TLE3: variants seen among roughly 807,000 people sequenced by gnomAD.
TLE3 encodes the protein TLE family member 3, transcriptional corepressor.
A neutral mutation model predicts 93.0 loss-of-function variants in TLE3; 14 were observed. The observed-to-expected ratio is 0.15, with a 90% CI of 0.10 to 0.24. TLE3 has a LOEUF of 0.24. TLE3 is among the 10% of genes least tolerant of loss of function. The pLI is 1.00. For missense variants in TLE3, 693 were observed against 1,046.6 expected (o/e 0.66, Z 4.66); for synonymous variants, 451 against 425.0 (o/e 1.06, Z -0.75).
rs997029654 is a variant in TLE3, at chr15:70,049,961, G to A, written c.*136C>T. ...TGACGGGGCACGTGCCCTCTCAGCC[G>A]GCCGGAGCGCAGCCCTGAACGCTCG... On this transcript the variant is annotated 3_prime_UTR_variant, in exon 20 of 20. Coordinates refer to ENST00000451782, the MANE Select transcript of TLE3 (RefSeq NM_001105192.3). 6.6e-5 allele frequency: 45 copies of A among 677,980 alleles called. No individual in the cohort carries two copies. The highest frequency in any genetic ancestry group is 3.6e-4 in the South Asian group (21 of 58,648). 42.0% of individuals were successfully genotyped at this position (677,980 alleles called of 1,614,324 possible).
rs1296884652 is a variant in TLE3, at chr15:70,097,750, C to G, written c.-952G>C. The G allele has an allele frequency of 1.0e-5, 4 of 394,976 alleles. No individual in the cohort carries two copies. The Admixed American group carries it at 1.3e-4, about 13-fold the overall frequency. The allele number at this position is 394,976 out of a possible 1,614,324, so 24.5% of individuals were successfully genotyped here. ...CTCGGCCCGGCTCTCCTCTCCGCGC[C>G]CCGGCAAACCCCCAAAACACACACA... is the stretch of plus-strand genomic sequence containing the variant. On this transcript the variant is annotated 5_prime_UTR_variant, in exon 1 of 20. Transcript: ENST00000451782.
Position 70,049,126 on chromosome 15 carries a change from T to C in TLE3, c.*971A>G, listed in dbSNP as rs2055302766. On this transcript the variant is annotated 3_prime_UTR_variant, in exon 20 of 20. Transcript: ENST00000451782. ...GCTGTGTCCCAAGATTCAGAAGAGC[T>C]GGAGAGGGAGTTCCTTTGAACTTCC... 1 of 152,148 alleles carries C rather than the reference T, an allele frequency of 6.6e-6. No homozygotes were observed. The highest frequency in any genetic ancestry group is 1.5e-5 in the Non-Finnish European group (1 of 68,024). 9.4% of individuals were successfully genotyped at this position (152,148 alleles called of 1,614,324 possible).
intron 13 of TLE3, among the ~76,000 whole-genome samples, chr15:70,056,887 G>A (rs923729271): frequency 2.0e-5 from 3 of 151,918 alleles, no homozygotes; most frequent in Admixed American, 6.6e-5. Context: ...TTCACCTCCC[G>A]AATAGCGCCT....
At chr15:70,073,642 G>A (rs550729180) in intron 6 of TLE3, among the ~76,000 whole-genome samples, 12 of 152,208 alleles carry the variant, frequency 7.9e-5, no homozygotes, top group East Asian at 1.9e-4. Flanking sequence ...AAGCTCCTCC[G>A]TGGACTGGGA....
In TLE3 at chr15:70,069,462, TG is replaced by T. The variant is rs112727480; in HGVS notation, c.373-3245del. Among the ~76,000 whole-genome samples, 1,234 of 152,350 alleles carry T rather than the reference TG, an allele frequency of 8.1e-3. 10 individuals carry two copies. Among genetic ancestry groups the T allele is most frequent in the African/African-American group, 0.028 (1,173 of 41,594 alleles). ...TGTTAAGCTTCCAAGGCTGAGAGGC[TG>T]GTTTTCTGCCTTAGTGTTGTCAGGT... On this transcript the variant is annotated intron_variant, in intron 6 of 19. Coordinates refer to ENST00000451782, the MANE Select transcript of TLE3 (RefSeq NM_001105192.3).
chr15:70,052,378 G>A lies in TLE3; in HGVS notation c.2121C>T (p.Tyr707=). The stretch of plus-strand genomic sequence containing the variant: ...CTGGGCCCATCCAAGGCTCACCGCA[G>A]TAGGCGAACTTGAGGGAGAGCACGC... ...ESCVLSLKFA[Y]CGKWFVSTGK... Residue 707 remains tyrosine (Y), a synonymous_variant, in exon 18 of 20, where the codon TAC becomes TAT. Transcript: ENST00000451782. 6.2e-7 allele frequency: 1 copy of A among 1,613,414 alleles called. No homozygotes were observed. The highest frequency in any genetic ancestry group is 1.1e-5 in the South Asian group (1 of 91,062).
chr15:70,083,860 AACAAGGTGAGG>A (rs1359618975), intron 4 of TLE3, among the ~76,000 whole-genome samples: 2 of 152,082 alleles, frequency 1.3e-5, no homozygotes, highest in Non-Finnish European at 2.9e-5. Flanking sequence ...ATGAGGGAAG[AACAAGGTGAGG>A]GGCAGAGACA....
At chr15:70,092,273 T>C (rs1366671977) in intron 4 of TLE3, among the ~76,000 whole-genome samples, 1 of 152,144 alleles carries the variant, frequency 6.6e-6, no homozygotes, top group Non-Finnish European at 1.5e-5. Context: ...TAGATCAGGG[T>C]TGCATTTCAC....
At chr15:70,063,504 AG>A (rs2056626635) in intron 8 of TLE3, among the ~76,000 whole-genome samples, 1 of 152,186 alleles carries the variant, frequency 6.6e-6, no homozygotes, top group South Asian at 2.1e-4. Flanking sequence ...AGGGCCAGGA[AG>A]GGAAGGAGGG....
intron 6 of TLE3, among the ~76,000 whole-genome samples, chr15:70,070,342 G>A (rs1595925350): frequency 1.3e-5 from 2 of 152,326 alleles, no homozygotes; most frequent in East Asian, 1.9e-4. Context: ...TGCACATCAC[G>A]CCTTAGGCCT....
At chr15:70,070,641 G>A (rs2057094895) in intron 6 of TLE3, among the ~76,000 whole-genome samples, 1 of 152,150 alleles carries the variant, frequency 6.6e-6, no homozygotes, top group African/African-American at 2.4e-5. Flanking sequence ...CAACCCTTGT[G>A]ATCCCCACTT....
chr15:70,067,790 C>T (rs2056904035), intron 6 of TLE3, among the ~76,000 whole-genome samples: 1 of 152,232 alleles, frequency 6.6e-6, no homozygotes, highest in Non-Finnish European at 1.5e-5. Flanking sequence ...GCCACAGAAG[C>T]CATGGCACTC....
chr15:70,069,213 T>C (rs1038038789), intron 6 of TLE3, among the ~76,000 whole-genome samples: 2 of 152,202 alleles, frequency 1.3e-5, no homozygotes, highest in African/African-American at 4.8e-5. Context: ...GGAAAAGGTA[T>C]ATGAAGAGGC....
At chr15:70,060,674 G>A (rs775119221) in intron 8 of TLE3, 25 bp from the exon 9 acceptor site, 2 of 1,612,058 alleles carry the variant, frequency 1.2e-6, no homozygotes, top group Non-Finnish European at 1.7e-6. Flanking sequence ...AGGGTTCGGG[G>A]TTAAAACTTT....
chr15:70,066,449 C>T (rs2056823560), intron 6 of TLE3, among the ~76,000 whole-genome samples: 1 of 150,960 alleles, frequency 6.6e-6, no homozygotes, highest in Admixed American at 6.6e-5. Context: ...CTTCAAGCAC[C>T]CCCCAACTCC....
At chr15:70,083,206 T>TGTGG (rs2057871488) in intron 4 of TLE3, among the ~76,000 whole-genome samples, 1 of 152,160 alleles carries the variant, frequency 6.6e-6, no homozygotes, top group Non-Finnish European at 1.5e-5. Flanking sequence ...CAACAGAGAC[T>TGTGG]TGGAGGCAGA....
In TLE3 at chr15:70,056,857, G is replaced by A. The variant is rs138552802; in HGVS notation, c.1252-483C>T. 2.8e-4 allele frequency among the ~76,000 whole-genome samples: 42 copies of A among 152,270 alleles called. No individual in the cohort carries two copies. In the East Asian group the frequency reaches 8.1e-3, roughly 29 times the overall value. Reference sequence around the variant, plus strand: ...GCTCACTGCAACCTCTGCCTCCCAGGTTCAAGTGAGTCTCCTGCCTTCACC... The same window carrying A: ...GCTCACTGCAACCTCTGCCTCCCAGATTCAAGTGAGTCTCCTGCCTTCACC... On this transcript the variant is annotated intron_variant, in intron 13 of 19. Coordinates refer to ENST00000451782, the MANE Select transcript of TLE3 (RefSeq NM_001105192.3).
rs555663657 is a variant in TLE3 at position 70,080,175 on chromosome 15, CG to C, written c.235-4018del. On this transcript the variant is annotated intron_variant, in intron 4 of 19. Coordinates refer to ENST00000451782, the MANE Select transcript of TLE3 (RefSeq NM_001105192.3). ...CTCCTTTTGGCAACTTGGCGCAATC[CG>C]TTATCGATAAGGCGGCTGTAGTTTC... Among the ~76,000 whole-genome samples the C allele has an allele frequency of 3.3e-5, 5 of 152,270 alleles. No individual in the cohort carries two copies. In the South Asian group the frequency reaches 1.0e-3, roughly 32 times the overall value.
intron 3 of TLE3, among the ~76,000 whole-genome samples, chr15:70,095,020 C>T (rs1487688375): frequency 6.6e-6 from 1 of 152,212 alleles, no homozygotes; most frequent in Non-Finnish European, 1.5e-5. Context: ...GACAGTCTGC[C>T]TACTGCCCCA....
Sources: gnomAD v4.1 joint callset for allele counts (sites outside exome capture counted in the v4.1 genomes callset) on GRCh38, gnomAD v4.1.1 for gene constraint, MANE v1.5 for transcripts, NCBI Gene and HGNC (gene_info 2026-07-23, HGNC 2026-07-21) for gene names.